BMP1: variants seen among roughly 807,000 people sequenced by gnomAD.
BMP1 encodes mammalian tolloid protein.
BMP1 carries 63 observed loss-of-function variants against 116.8 expected under a neutral mutation model. The ratio of observed to expected loss-of-function variants is 0.54; its 90% confidence interval spans 0.44 to 0.67. The LOEUF (loss-of-function observed/expected upper bound fraction) is 0.67. BMP1 is among the 30% of genes least tolerant of loss of function. BMP1 has a pLI of 0.00. For missense variants in BMP1, 1,183 were observed against 1,358.9 expected, an observed-to-expected ratio of 0.87 and a Z score of 2.04; for synonymous variants, 536 against 533.4, an observed-to-expected ratio of 1.00 and a Z score of -0.07.
chr8:22,199,104 G>A (rs147002662), intron 15 of BMP1: 340 of 1,367,230 alleles, frequency 2.5e-4, no homozygotes, highest in Non-Finnish European at 3.0e-4. Context: ...TCGACACTGT[G>A]CCCGCCCCAC....
Position 22,207,188 on chromosome 8 carries a change from C to T in BMP1, c.2362-115C>T, listed in dbSNP as rs1032813438. 5.0e-6 allele frequency: 7 copies of T among 1,393,816 alleles called. No homozygotes were observed. The African/African-American group carries it at 7.2e-5, about 14-fold the overall frequency. 86.3% of individuals were successfully genotyped at this position (1,393,816 alleles called of 1,614,324 possible). A position where few individuals can be genotyped will look rare whatever the true frequency, so the allele number is the denominator to read the frequency against. On this transcript the variant is annotated intron_variant, in intron 17 of 19. Transcript: ENST00000306385. Reference sequence around the variant, plus strand: ...TCCTGGGCCCTCCTTCACTGTCATCCCCAGCTGTGGCTGCTCCCATGGGTA... The same window carrying T: ...TCCTGGGCCCTCCTTCACTGTCATCTCCAGCTGTGGCTGCTCCCATGGGTA...
chr8:22,206,443 A>C (rs1829356480), intron 16 of BMP1, among the ~76,000 whole-genome samples: 1 of 151,154 alleles, frequency 6.6e-6, no homozygotes. Context: ...TGGAGGTTGC[A>C]GTGAGCCGAG....
intron 1 of BMP1, among the ~76,000 whole-genome samples, chr8:22,167,196 C>A (rs1828139589): frequency 6.6e-6 from 1 of 152,134 alleles, no homozygotes; most frequent in Non-Finnish European, 1.5e-5. Context: ...TGCCTCTTAT[C>A]CATCAATCCA....
At position 22,194,964 on chromosome 8, in the gene BMP1, C is replaced by T. The variant is rs1217399458; in HGVS notation, c.1639+45C>T. The T allele has an allele frequency of 2.0e-6, 3 of 1,533,046 alleles. No homozygotes were observed. The highest frequency in any genetic ancestry group is 1.4e-5 in the African/African-American group (1 of 72,572). 95.0% of individuals were successfully genotyped at this position (1,533,046 alleles called of 1,614,324 possible). ...CCCCTGCCCCAAGGTGCCTCGTGAC[C>T]TTCATCCCTTCTTCACTCACTCATT... On this transcript the variant is annotated intron_variant, in intron 12 of 19. Transcript: ENST00000306385. This position sits in a 1 kb window ranked among gnomAD's most constrained non-coding sequence, Gnocchi z 4.5.
chr8:22,176,873 G>A, intron 4 of BMP1, 88 bp from the exon 5 acceptor site: 2 of 1,103,202 alleles, frequency 1.8e-6, no homozygotes, highest in Non-Finnish European at 1.3e-6. Flanking sequence ...CTCCCCTGCC[G>A]CCCCGCCCCC....
chr8:22,177,447 A>C (rs890202281), intron 5 of BMP1: 32 of 684,982 alleles, frequency 4.7e-5, no homozygotes, highest in Non-Finnish European at 8.0e-5. Context: ...GGGACTGCTC[A>C]GGCCTTTCTC....
chr8:22,197,809 G>A (rs1829135716), intron 15 of BMP1, among the ~76,000 whole-genome samples: 1 of 152,208 alleles, frequency 6.6e-6, no homozygotes, highest in African/African-American at 2.4e-5. Context: ...GCCTTGGACT[G>A]TGTGGAGCAG....
chr8:22,207,075 G>T (rs1394806037), intron 17 of BMP1, 94 bp downstream of exon 17: 3 of 1,550,424 alleles, frequency 1.9e-6, no homozygotes, highest in Non-Finnish European at 2.6e-6. Context: ...GAGCCCAGAG[G>T]TCTGCCATCC....
In BMP1 at chr8:22,196,069, G is replaced by A. The variant is rs754072743; in HGVS notation, c.1765+482G>A. 5.0e-5 allele frequency: 20 copies of A among 398,116 alleles called. 1 individual carries two copies. Among genetic ancestry groups the A allele is most frequent in the Non-Finnish European group, 6.1e-5 (12 of 197,964 alleles). 24.7% of individuals were successfully genotyped at this position (398,116 alleles called of 1,614,324 possible). ...AACCCCGAGAACACACTGTCCCCCC[G>A]TAGGCCGCATTCTGGCTTTGGGTTT... is the stretch of plus-strand genomic sequence containing the variant. On this transcript the variant is annotated intron_variant, in intron 13 of 19. Transcript: ENST00000306385.
At chr8:22,206,613 C>T (rs1310052786) in intron 16 of BMP1, among the ~76,000 whole-genome samples, 4 of 152,158 alleles carry the variant, frequency 2.6e-5, no homozygotes, top group Non-Finnish European at 5.9e-5. Flanking sequence ...CCTGCGATGG[C>T]TGCTTCATGA....
chr8:22,188,747 A>G (rs530546101), intron 8 of BMP1, among the ~76,000 whole-genome samples: 2 of 150,348 alleles, frequency 1.3e-5, no homozygotes, highest in Admixed American at 6.6e-5. Flanking sequence ...GGTTCCTCCT[A>G]CTTCTTTGGA....
At chr8:22,175,901 C>T (rs552800319) in intron 2 of BMP1, among the ~76,000 whole-genome samples, 19 of 152,308 alleles carry the variant, frequency 1.2e-4, no homozygotes, top group African/African-American at 4.1e-4. Context: ...GAAAGCGGAG[C>T]GTTGCCTTAT....
At chr8:22,200,687 G>A (rs1829234315) in intron 15 of BMP1, among the ~76,000 whole-genome samples, 1 of 152,102 alleles carries the variant, frequency 6.6e-6, no homozygotes, top group East Asian at 1.9e-4. Flanking sequence ...GTCTGCAGGT[G>A]TATTTGCGAG....
At position 22,194,274 on chromosome 8, in the gene BMP1, C is replaced by T; in HGVS notation, c.1297+100C>T. 6.8e-7 allele frequency: 1 copy of T among 1,477,268 alleles called. No homozygotes were observed. Among genetic ancestry groups the T allele is most frequent in the South Asian group, 1.2e-5 (1 of 85,418 alleles). The allele number at this position is 1,477,268 out of a possible 1,614,324, so 91.5% of individuals were successfully genotyped here. On this transcript the variant is annotated intron_variant, in intron 10 of 19. Transcript: ENST00000306385. This position sits in a 1 kb window ranked among gnomAD's most constrained non-coding sequence, Gnocchi z 4.5. Reference sequence around the variant, plus strand: ...ACCTGAGGGGCAAGATTGTGGGTTCCCAAGGGAAGAAGCAGAGAGAATGAT... The same window carrying T: ...ACCTGAGGGGCAAGATTGTGGGTTCTCAAGGGAAGAAGCAGAGAGAATGAT...
intron 5 of BMP1, chr8:22,177,648 T>C: frequency 1.3e-6 from 1 of 761,836 alleles, no homozygotes; most frequent in Non-Finnish European, 2.4e-6. Flanking sequence ...GAGTCCTCCA[T>C]TCACCAGGCC....
intron 15 of BMP1, among the ~76,000 whole-genome samples, chr8:22,198,171 A>T (rs900063831): frequency 2.0e-5 from 3 of 152,270 alleles, no homozygotes; most frequent in African/African-American, 4.8e-5. Flanking sequence ...GTTTCTAAAA[A>T]TTTTTTTAAA....
Position 22,201,794 on chromosome 8 carries a change from C to A in BMP1, c.2108-9C>A. The A allele has an allele frequency of 1.9e-6, 3 of 1,613,184 alleles. No individual in the cohort carries two copies. The highest frequency in any genetic ancestry group is 8.5e-7 in the Non-Finnish European group (1 of 1,179,984). On this transcript the variant is annotated splice_polypyrimidine_tract_variant and intron_variant, in intron 15 of 19. Transcript: ENST00000306385. The stretch of plus-strand genomic sequence containing the variant: ...GACCCAGCGTCTGCCCTTATTTGCT[C>A]CCCTGCAGACAAGGACGAGTGCTCC...
At position 22,190,585 on chromosome 8, in the gene BMP1, A is replaced by G. The variant is rs530443474; in HGVS notation, c.1078-1464A>G. Among the ~76,000 whole-genome samples, 3 of 152,168 alleles carry G rather than the reference A, an allele frequency of 2.0e-5. No individual in the cohort carries two copies. The East Asian group carries it at 5.8e-4, about 29-fold the overall frequency. ...GGTGTGTGGCCGGGAAGGTATAGAG[A>G]GGTGGAGAGAGGAGGTCGCAGAACT... is the stretch of plus-strand genomic sequence containing the variant. On this transcript the variant is annotated intron_variant, in intron 8 of 19. Coordinates refer to ENST00000306385, the MANE Select transcript of BMP1 (RefSeq NM_006129.5).
intron 15 of BMP1, among the ~76,000 whole-genome samples, chr8:22,200,947 T>A (rs1829242252): frequency 6.6e-6 from 1 of 151,996 alleles, no homozygotes; most frequent in South Asian, 2.1e-4. Flanking sequence ...GTGCCCTGGA[T>A]GCGCCCGGAC....
Sources: gnomAD v4.1 joint callset for allele counts (sites outside exome capture counted in the v4.1 genomes callset) on GRCh38, gnomAD v4.1.1 for gene constraint, Gnocchi (gnomAD v3.1) non-coding constraint, MANE v1.5 for transcripts, NCBI Gene and HGNC (gene_info 2026-07-23, HGNC 2026-07-21) for gene names.